Variants in LAT2 observed in about 807,000 individuals in gnomAD.
The protein encoded by LAT2 is linker for activation of T cells family member 2.
LAT2 carries 23 observed loss-of-function variants against 43.4 expected under a neutral mutation model. The ratio of observed to expected loss-of-function variants is 0.53; its 90% CI spans 0.38 to 0.75. LAT2 has a LOEUF of 0.75. Ranked by LOEUF, LAT2 falls within the 30% of genes least tolerant of loss-of-function variation. The pLI, the probability that LAT2 is intolerant of heterozygous loss-of-function variation, is 0.00. For synonymous variants in LAT2, 128 were observed against 123.2 expected, an observed-to-expected ratio of 1.04 and a Z score of -0.26; for missense variants, 284 against 310.2, an observed-to-expected ratio of 0.92 and a Z score of 0.64.
chr7:74,223,056 C>T (rs2116176026), intron 10 of LAT2, among the ~76,000 whole-genome samples: 1 of 152,348 alleles, frequency 6.6e-6, no homozygotes, highest in Non-Finnish European at 1.5e-5. Flanking sequence ...AAGAGTCCAG[C>T]CCCTTCCCGG....
Position 74,210,594 on chromosome 7 carries a change from C to T in LAT2, c.-219+506C>T, listed in dbSNP as rs560759247. 1.5e-4 allele frequency among the ~76,000 whole-genome samples: 23 copies of T among 152,172 alleles called. No homozygotes were observed. In the South Asian group the frequency reaches 3.1e-3, roughly 21 times the overall value. ...GGGCTGCTCAGGCCCCTCCTGCACC[C>T]GCCCGCCTCCCTCTCTCCCTCCCAG... On this transcript the variant is annotated intron_variant, in intron 1 of 13. Transcript: ENST00000460943.
At chr7:74,228,704 G>T (rs1554716460) in intron 13 of LAT2, among the ~76,000 whole-genome samples, 1 of 151,006 alleles carries the variant, frequency 6.6e-6, no homozygotes, top group African/African-American at 2.4e-5. Context: ...CAGGAGAATG[G>T]CGTGAACCTG....
In LAT2 at chr7:74,220,697, C is replaced by G; in HGVS notation, c.302-7C>G. On this transcript the variant is annotated splice_polypyrimidine_tract_variant and splice_region_variant and intron_variant, in intron 8 of 13. Transcript: ENST00000460943. The surrounding 1 kb of genome is among the most constrained non-coding windows in gnomAD (Gnocchi z 4.5). ...GGCTCAGGCCCAATTCTCGCCTCCT[C>G]CCGCAGGAAGCAGACACGGGTCGGA... 2.5e-6 allele frequency: 4 copies of G among 1,609,364 alleles called. No individual in the cohort carries two copies. The highest frequency in any genetic ancestry group is 2.6e-6 in the Non-Finnish European group (3 of 1,176,172).
chr7:74,217,889 C>A (rs1310564134), intron 4 of LAT2, among the ~76,000 whole-genome samples: 1 of 152,222 alleles, frequency 6.6e-6, no homozygotes, highest in African/African-American at 2.4e-5. Context: ...AACTGAAAAA[C>A]CACAGTGAGA....
intron 9 of LAT2, among the ~76,000 whole-genome samples, chr7:74,221,410 CAAAAAAAA>C (rs782694803): frequency 8.4e-3 from 178 of 21,072 alleles, no homozygotes; most frequent in African/African-American, 0.021. Context: ...GACTCTGTCT[CAAAAAAAA>C]AAAAAAAAAA....
At chr7:74,219,665 C>T in intron 4 of LAT2, 79 bp from the exon 5 acceptor site, 2 of 1,554,146 alleles carry the variant, frequency 1.3e-6, no homozygotes, top group East Asian at 2.2e-5. Context: ...CTCATCCCTG[C>T]CTGTCCCTCC....
rs782389149 is a variant in LAT2, at chr7:74,215,993, A to C, written c.18A>C (p.Glu6Asp). Reference protein sequence around the residue: MSSGTELLWPGAALLV... With the variant: MSSGTDLLWPGAALLV... ...GAGCCAACATGAGCTCGGGGACTGA[A>C]CTGCTGTGGCCCGGAGCAGCGCTGC... The change falls in exon 3 of 14, where the codon GAA (glutamate) becomes GAC (aspartate). Residue 6 changes from glutamate to aspartate, a missense_variant. Coordinates refer to ENST00000460943, the MANE Select transcript of LAT2 (RefSeq NM_032464.3). 1.7e-5 allele frequency: 27 copies of C among 1,613,928 alleles called. No individual in the cohort carries two copies. The highest frequency in any genetic ancestry group is 2.0e-5 in the Non-Finnish European group (24 of 1,180,020).
chr7:74,210,963 T>A (rs1226109474), intron 1 of LAT2, among the ~76,000 whole-genome samples: 2 of 151,964 alleles, frequency 1.3e-5, no homozygotes, highest in African/African-American at 4.8e-5. Flanking sequence ...CAGGGTGGTC[T>A]CGAGCGTCCT....
chr7:74,219,888 G>A lies in LAT2; in HGVS notation c.179-72G>A, dbSNP rs375205663. ...CTGAGACCGTGGCCAGGCCTGATGT[G>A]GGGGGATGATGGGGTGAGGGGGCTG... On this transcript the variant is annotated intron_variant, in intron 5 of 13. Coordinates refer to ENST00000460943, the MANE Select transcript of LAT2 (RefSeq NM_032464.3). 33 of 1,611,616 alleles carry A rather than the reference G, an allele frequency of 2.0e-5. No individual in the cohort carries two copies. The East Asian group carries it at 4.7e-4, about 23-fold the overall frequency.
intron 1 of LAT2, among the ~76,000 whole-genome samples, chr7:74,210,498 G>T (rs1412250453): frequency 2.6e-5 from 4 of 152,144 alleles, no homozygotes; most frequent in African/African-American, 4.8e-5. Context: ...CTTGCCCCAG[G>T]TCAGGTGAAG....
chr7:74,220,457 AG>A lies in LAT2; in HGVS notation c.266-123del, dbSNP rs1802223939. Reference sequence around the variant, plus strand: ...GTGCACACTCGCACATGCCCCACTGAGGGGACAGGGAGCACTGCAAAGGCTC... The same window carrying A: ...GTGCACACTCGCACATGCCCCACTGAGGGACAGGGAGCACTGCAAAGGCTC... On this transcript the variant is annotated intron_variant, in intron 7 of 13. Coordinates refer to ENST00000460943, the MANE Select transcript of LAT2 (RefSeq NM_032464.3). The surrounding 1 kb of genome is among the most constrained non-coding windows in gnomAD (Gnocchi z 4.5). The A allele has an allele frequency of 7.6e-7, 1 of 1,319,256 alleles. No individual in the cohort carries two copies. The highest frequency in any genetic ancestry group is 1.4e-5 in the African/African-American group (1 of 69,200). The allele number at this position is 1,319,256 out of a possible 1,614,324, so 81.7% of individuals were successfully genotyped here. A position where few individuals can be genotyped will look rare whatever the true frequency, so the allele number is the denominator to read the frequency against.
At chr7:74,217,156 G>C (rs967869820) in intron 4 of LAT2, among the ~76,000 whole-genome samples, 1 of 152,168 alleles carries the variant, frequency 6.6e-6, no homozygotes, top group Non-Finnish European at 1.5e-5. Flanking sequence ...ATCTGGCCAG[G>C]CACGATGGTT....
intron 9 of LAT2, among the ~76,000 whole-genome samples, chr7:74,221,351 G>C: frequency 6.8e-6 from 1 of 146,416 alleles, no homozygotes; most frequent in East Asian, 2.0e-4. Context: ...GGAGGCTGAG[G>C]TTGCAGTGAG....
chr7:74,213,676 G>C (rs1801818827), intron 1 of LAT2, among the ~76,000 whole-genome samples: 1 of 152,082 alleles, frequency 6.6e-6, no homozygotes, highest in African/African-American at 2.4e-5. Context: ...GCCCGCCTTG[G>C]CCTCCCAAAG....
chr7:74,221,672 G>C lies in LAT2; in HGVS notation c.368G>C (p.Arg123Pro). ...PIAMEYYNWG[R>P]FSKPPEDDDA... ...GCCATGGAGTATTACAACTGGGGGC[G>C]GTTCTCGAAGCCCCCAGAAGGTGAG... is the stretch of plus-strand genomic sequence containing the variant. The change falls in exon 10 of 14, where the codon CGG becomes CCG. Residue 123 changes from arginine (R) to proline (P), a missense_variant. Coordinates refer to ENST00000460943, the MANE Select transcript of LAT2 (RefSeq NM_032464.3). 6.2e-7 allele frequency: 1 copy of C among 1,613,052 alleles called. No homozygotes were observed. The highest frequency in any genetic ancestry group is 8.5e-7 in the Non-Finnish European group (1 of 1,179,474).
intron 10 of LAT2, among the ~76,000 whole-genome samples, chr7:74,222,913 G>A (rs1802344770): frequency 6.6e-6 from 1 of 152,178 alleles, no homozygotes; most frequent in South Asian, 2.1e-4. Flanking sequence ...CATCACTGAT[G>A]GATTTTGGGT....
chr7:74,226,188 A>G (rs1802476921), intron 13 of LAT2: 1 of 148,890 alleles, frequency 6.7e-6, no homozygotes, highest in African/African-American at 2.5e-5. Context: ...CTCAGGCTGG[A>G]GTGCAGTGGC....
chr7:74,220,432 G>C lies in LAT2; in HGVS notation c.266-152G>C. On this transcript the variant is annotated intron_variant, in intron 7 of 13. Transcript: ENST00000460943. This position sits in a 1 kb window ranked among gnomAD's most constrained non-coding sequence, Gnocchi z 4.5. ...CTGGAATCGGCCTGGCAGGGGGAGG[G>C]TGCACACTCGCACATGCCCCACTGA... 8.2e-7 allele frequency: 1 copy of C among 1,216,486 alleles called. No homozygotes were observed. Among genetic ancestry groups the C allele is most frequent in the South Asian group, 1.3e-5 (1 of 75,854 alleles). The allele number at this position is 1,216,486 out of a possible 1,614,324, so 75.4% of individuals were successfully genotyped here. A position where few individuals can be genotyped will look rare whatever the true frequency, so the allele number is the denominator to read the frequency against.
chr7:74,224,171 A>G lies in LAT2; in HGVS notation c.602A>G (p.Gln201Arg), dbSNP rs373894850. Reference protein sequence around the residue: ...EDYQNSASIHQWRESRKVMGQ... With the variant: ...EDYQNSASIHRWRESRKVMGQ... Reference sequence around the variant, plus strand: ...TATCAGAACTCAGCATCCATCCATCAGTGGCGCGAGTCCAGGAAGGTCATG... The same window carrying G: ...TATCAGAACTCAGCATCCATCCATCGGTGGCGCGAGTCCAGGAAGGTCATG... Residue 201 changes from glutamine (Q) to arginine (R), a missense_variant, in exon 12 of 14, where the codon CAG (glutamine) becomes CGG (arginine). By Grantham distance (43) the Gln-to-Arg change is conservative. Transcript: ENST00000460943. 11 of 1,613,906 alleles carry G rather than the reference A, an allele frequency of 6.8e-6. No individual in the cohort carries two copies. Among genetic ancestry groups the G allele is most frequent in the Non-Finnish European group, 9.3e-6 (11 of 1,180,030 alleles).
Sources: gnomAD v4.1 joint callset for allele counts (sites outside exome capture counted in the v4.1 genomes callset) on GRCh38, gnomAD v4.1.1 for gene constraint, Gnocchi (gnomAD v3.1) non-coding constraint, MANE v1.5 for transcripts, NCBI Gene and HGNC (gene_info 2026-07-23, HGNC 2026-07-21) for gene names.